The following PPARGC1A variants were observed in gnomAD, a reference collection of about 807,000 sequenced individuals.
PPARGC1A encodes the protein peroxisome proliferator-activated receptor gamma coactivator 1-alpha.
In PPARGC1A, 25 loss-of-function variants were observed where a neutral mutation model predicts 88.7. The ratio of observed to expected loss-of-function variants is 0.28; its 90% CI spans 0.21 to 0.39. The LOEUF (loss-of-function observed/expected upper bound fraction) is 0.39, where lower values mean the gene tolerates loss of function less well. Ranked by LOEUF, PPARGC1A falls within the 10% of genes least tolerant of loss-of-function variation. PPARGC1A has a pLI of 1.00. For synonymous variants in PPARGC1A, 363 were observed against 355.6 expected, an observed-to-expected ratio of 1.02 and a Z score of -0.24; for missense variants, 880 against 968.7, an observed-to-expected ratio of 0.91 and a Z score of 1.22.
chr4:24,353,512 C>T, the PPARGC1A span, among the ~76,000 whole-genome samples: 3 of 152,172 alleles, frequency 2.0e-5, no homozygotes, highest in Non-Finnish European at 4.4e-5. Flanking sequence ...AAGACTCGGC[C>T]ACTAAACTTC....
the PPARGC1A span, among the ~76,000 whole-genome samples, chr4:24,082,415 C>T: frequency 2.0e-5 from 3 of 152,258 alleles, no homozygotes; most frequent in East Asian, 5.8e-4. Context: ...GGCTTTTTCC[C>T]TCAGTCCCTT....
chr4:24,204,624 G>A, the PPARGC1A span, among the ~76,000 whole-genome samples: 7 of 152,078 alleles, frequency 4.6e-5, no homozygotes, highest in East Asian at 1.9e-4. Context: ...AAGAACTGGC[G>A]GGGGAGGTGT....
chr4:24,131,037 A>G, the PPARGC1A span, among the ~76,000 whole-genome samples: 3 of 152,144 alleles, frequency 2.0e-5, no homozygotes, highest in Non-Finnish European at 2.9e-5. Context: ...CTTCCTCATC[A>G]ATGGCTCCTT....
At chr4:24,187,302 G>T in the PPARGC1A span, among the ~76,000 whole-genome samples, 1 of 152,166 alleles carries the variant, frequency 6.6e-6, no homozygotes, top group Non-Finnish European at 1.5e-5. Context: ...CAGATGAGGG[G>T]AGCAGTCTTT....
At chr4:24,390,501 T>C in the PPARGC1A span, among the ~76,000 whole-genome samples, 12 of 152,090 alleles carry the variant, frequency 7.9e-5, no homozygotes, top group Non-Finnish European at 1.6e-4. Flanking sequence ...TACTGTAATG[T>C]TTTTTATATG....
the PPARGC1A span, among the ~76,000 whole-genome samples, chr4:24,295,891 G>A: frequency 1.3e-5 from 2 of 150,984 alleles, no homozygotes; most frequent in Non-Finnish European, 2.9e-5. Context: ...CCCAGCCTCG[G>A]TGCTAGGCCT....
chr4:23,865,559 T>C (rs76232035), intron 2 of PPARGC1A, among the ~76,000 whole-genome samples: 15,135 of 152,082 alleles, frequency 0.1, 1,170 homozygotes, highest in African/African-American at 0.22. Flanking sequence ...TATAAATGTC[T>C]TAAAATTTCC....
At chr4:23,871,936 T>C (rs1713463260) in intron 2 of PPARGC1A, among the ~76,000 whole-genome samples, 1 of 152,178 alleles carries the variant, frequency 6.6e-6, no homozygotes, top group Admixed American at 6.5e-5. Flanking sequence ...TAATGCCTGG[T>C]ACCTCCAGAG....
chr4:23,828,720 G>T (rs1197178886), intron 4 of PPARGC1A, 116 bp from the exon 5 acceptor site: 5 of 857,652 alleles, frequency 5.8e-6, no homozygotes, highest in Non-Finnish European at 9.2e-6. Context: ...AAGTGTACTA[G>T]ATCTATGAGC....
chr4:24,186,405 C>T, the PPARGC1A span, among the ~76,000 whole-genome samples: 2 of 152,146 alleles, frequency 1.3e-5, no homozygotes, highest in African/African-American at 4.8e-5. Context: ...TTATTAATAA[C>T]ATGGGCTCTT....
the PPARGC1A span, among the ~76,000 whole-genome samples, chr4:23,992,047 T>TA: frequency 3.0e-4 from 45 of 152,170 alleles, no homozygotes; most frequent in South Asian, 9.1e-3. Flanking sequence ...TCTTTTTTTT[T>TA]ATGACATTCA....
the PPARGC1A span, among the ~76,000 whole-genome samples, chr4:24,345,087 G>A: frequency 9.9e-5 from 15 of 151,912 alleles, no homozygotes; most frequent in Non-Finnish European, 1.5e-5. Context: ...TTATTTCTGG[G>A]TTCTCCATTC....
At chr4:24,060,935 G>A in the PPARGC1A span, among the ~76,000 whole-genome samples, 3 of 152,124 alleles carry the variant, frequency 2.0e-5, no homozygotes, top group South Asian at 6.2e-4. Context: ...CCATTTTACA[G>A]ATGAGAACAT....
At chr4:24,329,419 G>A in the PPARGC1A span, among the ~76,000 whole-genome samples, 7 of 151,960 alleles carry the variant, frequency 4.6e-5, no homozygotes, top group South Asian at 4.2e-4. Context: ...CTCCAGCTCC[G>A]GCTCCTGCCA....
the PPARGC1A span, among the ~76,000 whole-genome samples, chr4:24,126,670 G>A: frequency 0.029 from 4,454 of 152,216 alleles, 89 homozygotes; most frequent in Middle Eastern, 0.048. Context: ...GTATTAAATG[G>A]TCAGCAAGTG....
At chr4:24,107,325 G>C in the PPARGC1A span, among the ~76,000 whole-genome samples, 1 of 152,148 alleles carries the variant, frequency 6.6e-6, no homozygotes, top group South Asian at 2.1e-4. Flanking sequence ...ACCGAGTTGT[G>C]AGTTGGGTAC....
the PPARGC1A span, among the ~76,000 whole-genome samples, chr4:24,411,703 T>C: frequency 6.6e-6 from 1 of 152,218 alleles, no homozygotes; most frequent in Admixed American, 6.5e-5. Flanking sequence ...CCTAGCAACC[T>C]CTGATCTTTT....
At chr4:24,308,293 G>GA in the PPARGC1A span, among the ~76,000 whole-genome samples, 4 of 72,940 alleles carry the variant, frequency 5.5e-5, no homozygotes, top group Non-Finnish European at 8.1e-5. Flanking sequence ...CTCTGCCACC[G>GA]AAAAAAAAAA....
the PPARGC1A span, among the ~76,000 whole-genome samples, chr4:24,030,812 G>A: frequency 6.6e-6 from 1 of 152,158 alleles, no homozygotes; most frequent in Admixed American, 6.6e-5. Flanking sequence ...GAGAAAAGAC[G>A]TCTTAAAAAC....
Sources: gnomAD v4.1 joint callset for allele counts (sites outside exome capture counted in the v4.1 genomes callset) on GRCh38, gnomAD v4.1.1 for gene constraint, MANE v1.5 for transcripts, NCBI Gene and HGNC (gene_info 2026-07-23, HGNC 2026-07-21) for gene names.